MANEA: variants seen among roughly 807,000 people sequenced by gnomAD.
The protein encoded by MANEA is glycoprotein endo-alpha-1,2-mannosidase.
Under a neutral mutation model 36.8 loss-of-function variants are expected in MANEA, and 25 were observed. That is an observed-to-expected ratio of 0.68 (90% CI 0.50 to 0.95). MANEA has a LOEUF of 0.95. MANEA is among the 40% of genes least tolerant of loss of function. The pLI is 0.00. For synonymous variants in MANEA, 198 were observed against 188.5 expected (o/e 1.05, Z -0.41); for missense variants, 565 against 558.8 (o/e 1.01, Z -0.11).
chr6:95,581,917 A>C (rs1769190188), intron 1 of MANEA, among the ~76,000 whole-genome samples: 1 of 152,170 alleles, frequency 6.6e-6, no homozygotes, highest in Admixed American at 6.5e-5. Context: ...ACAGAGTAAG[A>C]AAATATCACT....
chr6:95,592,850 C>T (rs928082015), intron 2 of MANEA, among the ~76,000 whole-genome samples: 34 of 152,036 alleles, frequency 2.2e-4, no homozygotes, highest in African/African-American at 8.0e-4. Context: ...AATAAGAACT[C>T]GATTCTCTAG....
intron 1 of MANEA, among the ~76,000 whole-genome samples, chr6:95,585,593 G>T (rs1205334661): frequency 6.6e-6 from 1 of 152,190 alleles, no homozygotes; most frequent in Non-Finnish European, 1.5e-5. Context: ...GGGATTACAG[G>T]CATGAGCCAT....
At chr6:95,592,929 CA>C (rs1037368049) in intron 2 of MANEA, among the ~76,000 whole-genome samples, 6 of 151,712 alleles carry the variant, frequency 4.0e-5, no homozygotes, top group East Asian at 1.9e-4. Flanking sequence ...TTACTAACAA[CA>C]AAAAAAATTG....
At position 95,591,617 on chromosome 6, in the gene MANEA, G is replaced by A. The variant is rs187717594; in HGVS notation, c.544+4634G>A. Among the ~76,000 whole-genome samples, 351 of 151,280 alleles carry A rather than the reference G, an allele frequency of 2.3e-3. 2 individuals carry two copies. The highest frequency in any genetic ancestry group is 4.1e-3 in the Non-Finnish European group (280 of 67,734). On this transcript the variant is annotated intron_variant, in intron 2 of 4. Transcript: ENST00000358812. ...TTACTTGTTACTCCTGTTATTTTTTGTTATTTATCCTTCTTGGTGTTCTCT... is the reference window on the plus strand; with the variant it reads ...TTACTTGTTACTCCTGTTATTTTTTATTATTTATCCTTCTTGGTGTTCTCT...
At chr6:95,585,944 C>T (rs1192317560) in intron 1 of MANEA, among the ~76,000 whole-genome samples, 1 of 152,074 alleles carries the variant, frequency 6.6e-6, no homozygotes, top group Non-Finnish European at 1.5e-5. Flanking sequence ...AGGAGGATCG[C>T]TTGAGCCCAA....
chr6:95,598,497 C>T (rs1382055257), intron 3 of MANEA, among the ~76,000 whole-genome samples: 3 of 152,136 alleles, frequency 2.0e-5, no homozygotes, highest in African/African-American at 4.8e-5. Flanking sequence ...ATATGGGCCT[C>T]CAGCTTCACT....
At chr6:95,593,853 C>G (rs1769434037) in intron 2 of MANEA, among the ~76,000 whole-genome samples, 2 of 152,152 alleles carry the variant, frequency 1.3e-5, no homozygotes, top group Non-Finnish European at 2.9e-5. Context: ...CAAGACCATC[C>G]TGGCCAACAT....
intron 2 of MANEA, among the ~76,000 whole-genome samples, chr6:95,592,049 T>C (rs1769394855): frequency 6.6e-6 from 1 of 152,210 alleles, no homozygotes; most frequent in Non-Finnish European, 1.5e-5. Context: ...TCCAATTACA[T>C]GTGTACTAGA....
intron 1 of MANEA, among the ~76,000 whole-genome samples, chr6:95,586,021 TA>T (rs1769273786): frequency 6.6e-6 from 1 of 152,174 alleles, no homozygotes; most frequent in Non-Finnish European, 1.5e-5. Context: ...AAATGATTTT[TA>T]AACAGAATTT....
intron 1 of MANEA, among the ~76,000 whole-genome samples, 155 bp from the exon 2 acceptor site, chr6:95,586,243 ATAAT>A (rs1461265719): frequency 7.9e-5 from 12 of 152,254 alleles, no homozygotes; most frequent in Admixed American, 1.3e-4. Context: ...ATATGATGAT[ATAAT>A]TAATGTCTTC....
At chr6:95,586,097 A>C (rs1277148911) in intron 1 of MANEA, among the ~76,000 whole-genome samples, 5 of 152,242 alleles carry the variant, frequency 3.3e-5, no homozygotes, top group Admixed American at 1.3e-4. Context: ...TCAAGTAATG[A>C]AAAACATATT....
At chr6:95,597,234 C>A (rs1270735741) in intron 3 of MANEA, among the ~76,000 whole-genome samples, 1 of 151,854 alleles carries the variant, frequency 6.6e-6, no homozygotes, top group African/African-American at 2.4e-5. Flanking sequence ...TTTCAAAATC[C>A]AATTTTCATT....
rs1190016959 is a variant in MANEA, at chr6:95,605,794, A to G, written c.778A>G (p.Asn260Asp). 6.2e-7 allele frequency: 1 copy of G among 1,613,438 alleles called. No individual in the cohort carries two copies. Among genetic ancestry groups the G allele is most frequent in the Non-Finnish European group, 8.5e-7 (1 of 1,179,600 alleles). Residue 260 changes from asparagine to aspartate, a missense_variant, in exon 5 of 5, where the codon AAT (asparagine) becomes GAT (aspartate). Physicochemically the swap from Asn to Asp is conservative, Grantham distance 23 (BLOSUM62 1). Coordinates refer to ENST00000358812, the MANE Select transcript of MANEA (RefSeq NM_024641.4). ...AFYRYKTKTGNALPMFYVYDS... is the reference protein window; with the variant it reads ...AFYRYKTKTGDALPMFYVYDS... Reference sequence around the variant, plus strand: ...TTACAGGTACAAGACGAAGACTGGCAATGCTCTTCCTATGTTTTATGTCTA... The same window carrying G: ...TTACAGGTACAAGACGAAGACTGGCGATGCTCTTCCTATGTTTTATGTCTA...
At chr6:95,596,570 T>A (rs1169830050) in intron 2 of MANEA, among the ~76,000 whole-genome samples, 167 bp from the exon 3 acceptor site, 1 of 152,138 alleles carries the variant, frequency 6.6e-6, no homozygotes, top group Admixed American at 6.6e-5. Context: ...GTCATAAATA[T>A]TGACAAAGTG....
chr6:95,590,043 C>T (rs1344464131), intron 2 of MANEA: 2 of 152,118 alleles, frequency 1.3e-5, no homozygotes, highest in South Asian at 2.1e-4. Flanking sequence ...GTAGCCTCTA[C>T]AAGCTTGAAT....
chr6:95,601,495 C>T (rs1254346828), intron 3 of MANEA, among the ~76,000 whole-genome samples: 1 of 151,876 alleles, frequency 6.6e-6, no homozygotes, highest in Non-Finnish European at 1.5e-5. Flanking sequence ...AAAAGCATGC[C>T]CCTTTCTGCC....
chr6:95,584,821 ACT>A (rs1022154730), intron 1 of MANEA, among the ~76,000 whole-genome samples: 8 of 151,712 alleles, frequency 5.3e-5, no homozygotes, highest in African/African-American at 1.9e-4. Context: ...CTCTCTTTGT[ACT>A]CTCTCTCTTA....
rs187667732 is a variant in MANEA at position 95,594,374 on chromosome 6, A to G, written c.545-2363A>G. On this transcript the variant is annotated intron_variant, in intron 2 of 4. Transcript: ENST00000358812. ...CATGTTCAAAGCGCATGCATATTCT[A>G]CTATACTGCCCTGCCTCTCACAAAA... is the stretch of plus-strand genomic sequence containing the variant. 2.1e-4 allele frequency among the ~76,000 whole-genome samples: 32 copies of G among 152,330 alleles called. No individual in the cohort carries two copies. The East Asian group carries it at 4.8e-3, about 23-fold the overall frequency.
At position 95,586,745 on chromosome 6, in the gene MANEA, T is replaced by C; in HGVS notation, c.306T>C (p.Tyr102=). Residue 102 remains tyrosine (Y), a synonymous_variant, in exon 2 of 5, where the codon TAT becomes TAC. Transcript: ENST00000358812. ...NLDELPPLNN[Y]LHVFYYSWYG... ...ATGAACTACCACCTCTGAACAATTA[T>C]CTACATGTATTTTATTACAGTTGGT... 1 of 1,613,764 alleles carries C rather than the reference T, an allele frequency of 6.2e-7. No homozygotes were observed. The highest frequency in any genetic ancestry group is 8.5e-7 in the Non-Finnish European group (1 of 1,179,684).
Sources: allele counts gnomAD v4.1 joint callset (sites outside exome capture counted in the v4.1 genomes callset), GRCh38; gene constraint gnomAD v4.1.1; transcripts MANE v1.5; gene names NCBI Gene and HGNC (gene_info 2026-07-23, HGNC 2026-07-21).